Variants in SLC22A23 observed in about 807,000 individuals in gnomAD.
The protein encoded by SLC22A23 is solute carrier family 22 member 23.
A neutral mutation model predicts 61.0 loss-of-function variants in SLC22A23; 26 were observed. The observed-to-expected ratio is 0.43, with a 90% CI of 0.31 to 0.59. SLC22A23 has a LOEUF of 0.59. SLC22A23 is among the 20% of genes least tolerant of loss of function. The pLI is 0.11. For missense variants in SLC22A23, 796 were observed against 934.7 expected, an observed-to-expected ratio of 0.85 and a Z score of 1.94; for synonymous variants, 430 against 413.9, an observed-to-expected ratio of 1.04 and a Z score of -0.47.
chr6:3,280,213 G>A (rs867967191), intron 9 of SLC22A23, among the ~76,000 whole-genome samples: 34 of 152,074 alleles, frequency 2.2e-4, no homozygotes, highest in African/African-American at 7.7e-4. Context: ...CTCCACCCCC[G>A]CCTAACAAGG....
intron 1 of SLC22A23, among the ~76,000 whole-genome samples, chr6:3,428,090 C>T (rs985010702): frequency 9.9e-5 from 15 of 152,226 alleles, no homozygotes; most frequent in African/African-American, 3.6e-4. Flanking sequence ...GAGAACTCAC[C>T]GGGGCCTGGC....
In SLC22A23 at chr6:3,318,032, A is replaced by G. The variant is rs1454178860; in HGVS notation, c.1082+5802T>C. 6.6e-6 allele frequency among the ~76,000 whole-genome samples: 1 copy of G among 151,322 alleles called. No homozygotes were observed. The highest frequency in any genetic ancestry group is 2.4e-5 in the African/African-American group (1 of 41,090). On this transcript the variant is annotated intron_variant, in intron 4 of 9. Transcript: ENST00000406686. The surrounding 1 kb of genome is among the most constrained non-coding windows in gnomAD (Gnocchi z 4.3). The stretch of plus-strand genomic sequence containing the variant: ...TCCCATCTTCCTTGCATCACCAGAG[A>G]CTCCTGTGCTCACTGCACCCCCTGC...
chr6:3,355,267 C>T (rs9378786), intron 3 of SLC22A23, among the ~76,000 whole-genome samples: 58,397 of 151,558 alleles, frequency 0.39, 12,690 homozygotes, highest in African/African-American at 0.59. Context: ...TTGATAACCA[C>T]CAGTTTTCTC....
At chr6:3,355,865 T>G (rs1266355876) in intron 3 of SLC22A23, among the ~76,000 whole-genome samples, 1 of 150,418 alleles carries the variant, frequency 6.6e-6, no homozygotes, top group Non-Finnish European at 1.5e-5. Context: ...GAGGAGCCAC[T>G]GGATATAACG....
chr6:3,283,800 G>T, intron 9 of SLC22A23, 52 bp downstream of exon 9: 1 of 1,608,670 alleles, frequency 6.2e-7, no homozygotes. Flanking sequence ...CCAGGGACTC[G>T]TCTTTGATTT....
intron 3 of SLC22A23, among the ~76,000 whole-genome samples, chr6:3,389,764 C>G (rs1767547895): frequency 6.6e-6 from 1 of 152,350 alleles, no homozygotes; most frequent in Non-Finnish European, 1.5e-5. Context: ...ACCGAAGGAT[C>G]AGAATCACCC....
chr6:3,355,268 C>A (rs1264532880), intron 3 of SLC22A23, among the ~76,000 whole-genome samples: 1 of 151,860 alleles, frequency 6.6e-6, no homozygotes, highest in Admixed American at 6.6e-5. Flanking sequence ...TGATAACCAC[C>A]AGTTTTCTCA....
intron 3 of SLC22A23, among the ~76,000 whole-genome samples, chr6:3,367,090 T>C (rs542457173): frequency 2.0e-5 from 3 of 152,326 alleles, no homozygotes; most frequent in African/African-American, 7.2e-5. Flanking sequence ...CCACTAAACA[T>C]CTGCTAGCAA....
intron 1 of SLC22A23, among the ~76,000 whole-genome samples, chr6:3,449,359 T>C (rs1005861235): frequency 5.9e-5 from 9 of 152,176 alleles, no homozygotes; most frequent in Non-Finnish European, 8.8e-5. Flanking sequence ...AAAAATATCA[T>C]GTACAAAATT....
intron 3 of SLC22A23, among the ~76,000 whole-genome samples, chr6:3,403,684 C>T (rs575881068): frequency 6.6e-6 from 1 of 152,294 alleles, no homozygotes; most frequent in African/African-American, 2.4e-5. Context: ...CCTGGTTTCA[C>T]TGCCCCCACT....
intron 1 of SLC22A23, among the ~76,000 whole-genome samples, chr6:3,426,923 G>T (rs576649456): frequency 6.6e-6 from 1 of 152,182 alleles, no homozygotes; most frequent in African/African-American, 2.4e-5. Flanking sequence ...GTCTTCATTG[G>T]GTTGGACTCT....
At position 3,272,675 on chromosome 6, in the gene SLC22A23, A is replaced by G. The variant is rs747996854; in HGVS notation, c.*380T>C. The G allele has an allele frequency of 1.3e-5, 2 of 158,444 alleles. No individual in the cohort carries two copies. The highest frequency in any genetic ancestry group is 6.4e-5 in the Admixed American group (1 of 15,738). The allele number at this position is 158,444 out of a possible 1,614,324, so 9.8% of individuals were successfully genotyped here. On this transcript the variant is annotated 3_prime_UTR_variant, in exon 10 of 10. Coordinates refer to ENST00000406686, the MANE Select transcript of SLC22A23 (RefSeq NM_015482.2). ...TGGGTGCTGCCAGGAGCCGTGTCCC[A>G]TCTCCCCAGAGGGACCGGCCATGGC...
intron 3 of SLC22A23, among the ~76,000 whole-genome samples, chr6:3,374,227 A>G (rs1029818449): frequency 2.6e-5 from 4 of 152,270 alleles, no homozygotes; most frequent in African/African-American, 4.8e-5. Context: ...TGTGCAAGTC[A>G]GAATGCCTAT....
intron 9 of SLC22A23, among the ~76,000 whole-genome samples, chr6:3,274,489 TTGAAG>T (rs1240841137): frequency 4.6e-5 from 7 of 152,258 alleles, no homozygotes; most frequent in African/African-American, 1.7e-4. Context: ...AGGCACCCCC[TTGAAG>T]TGAAGAGGGC....
Position 3,456,065 on chromosome 6 carries a change from C to T in SLC22A23, c.495G>A (p.Trp165Ter). 1 of 1,549,546 alleles carries T rather than the reference C, an allele frequency of 6.5e-7. No individual in the cohort carries two copies. The highest frequency in any genetic ancestry group is 8.7e-7 in the Non-Finnish European group (1 of 1,146,728). The change falls in exon 1 of 10, where the codon TGG becomes TGA. Residue 165 changes from tryptophan to a stop codon, truncating the protein, a stop_gained. Transcript: ENST00000406686. LOFTEE classifies it high-confidence loss of function. The surrounding 1 kb of genome is among the most constrained non-coding windows in gnomAD (Gnocchi z 7.1). Reference sequence around the variant, plus strand: ...TGTTGCTCCGGTTGCCCGCAGCCTCCCAGGGGGCAGTGGCGAAGGGGGTGG... The same window carrying T: ...TGTTGCTCCGGTTGCCCGCAGCCTCTCAGGGGGCAGTGGCGAAGGGGGTGG... ...LPTTPFATAP[W>*]EAAGNRSNSS...
intron 5 of SLC22A23, chr6:3,290,586 G>A (rs1415742343): frequency 1.3e-5 from 2 of 153,262 alleles, no homozygotes; most frequent in African/African-American, 2.4e-5. Context: ...TCATGAGACT[G>A]AGTTTCTTGT....
rs995840475 is a variant in SLC22A23 at position 3,386,697 on chromosome 6, G to A, written c.913+23491C>T. The stretch of plus-strand genomic sequence containing the variant: ...AAAAGAGTGAATCCAGGACTGCCGG[G>A]GACCTGCCCCAGGGTCACCCAGCGT... On this transcript the variant is annotated intron_variant, in intron 3 of 9. Coordinates refer to ENST00000406686, the MANE Select transcript of SLC22A23 (RefSeq NM_015482.2). The surrounding 1 kb of genome is among the most constrained non-coding windows in gnomAD (Gnocchi z 4.4). Among the ~76,000 whole-genome samples the A allele has an allele frequency of 1.3e-5, 2 of 152,214 alleles. No individual in the cohort carries two copies. The highest frequency in any genetic ancestry group is 2.4e-5 in the African/African-American group (1 of 41,466).
chr6:3,411,460 TTGTCCAGGACTGGG>T (rs1186880632), intron 2 of SLC22A23, among the ~76,000 whole-genome samples: 2 of 152,182 alleles, frequency 1.3e-5, no homozygotes, highest in Admixed American at 6.5e-5. Flanking sequence ...AGATTTGTGG[TTGTCCAGGACTGGG>T]GGGTGATGTT....
In SLC22A23 at chr6:3,317,227, G is replaced by A. The variant is rs888709273; in HGVS notation, c.1082+6607C>T. 3.3e-5 allele frequency among the ~76,000 whole-genome samples: 5 copies of A among 152,302 alleles called. No homozygotes were observed. The highest frequency in any genetic ancestry group is 1.3e-4 in the Admixed American group (2 of 15,300). Reference sequence around the variant, plus strand: ...GTTTTCTAGGATGTTCTAACGTAACGTAGACCTGGACCTCCAAACACAAGA... The same window carrying A: ...GTTTTCTAGGATGTTCTAACGTAACATAGACCTGGACCTCCAAACACAAGA... On this transcript the variant is annotated intron_variant, in intron 4 of 9. Transcript: ENST00000406686. This position sits in a 1 kb window ranked among gnomAD's most constrained non-coding sequence, Gnocchi z 4.4.
Sources: gnomAD v4.1 joint callset for allele counts (sites outside exome capture counted in the v4.1 genomes callset) on GRCh38, gnomAD v4.1.1 for gene constraint, Gnocchi (gnomAD v3.1) non-coding constraint, MANE v1.5 for transcripts, NCBI Gene and HGNC (gene_info 2026-07-23, HGNC 2026-07-21) for gene names.